DNAH14: variants seen among roughly 807,000 people sequenced by gnomAD.
DNAH14 encodes axonemal beta dynein heavy chain 14.
Under a neutral mutation model 520.9 loss-of-function variants are expected in DNAH14, and 478 were observed. The observed-to-expected ratio is 0.92, with a 90% CI of 0.85 to 0.99. The LOEUF (loss-of-function observed/expected upper bound fraction) is 0.99, where lower values mean the gene tolerates loss of function less well. Ranked by LOEUF, DNAH14 falls within the 50% of genes least tolerant of loss-of-function variation. DNAH14 has a pLI of 0.00. For missense variants in DNAH14, 4,831 were observed against 5,234.5 expected, an observed-to-expected ratio of 0.92 and a Z score of 2.38; for synonymous variants, 1,581 against 1,757.2, an observed-to-expected ratio of 0.90 and a Z score of 2.51.
At position 224,976,170 on chromosome 1, in the gene DNAH14, T is replaced by C. The variant is rs1357437237; in HGVS notation, c.830+2017T>C. Among the ~76,000 whole-genome samples the C allele has an allele frequency of 2.6e-5, 4 of 152,034 alleles. No individual in the cohort carries two copies. The South Asian group carries it at 8.3e-4, about 32-fold the overall frequency. On this transcript the variant is annotated intron_variant, in intron 8 of 85. Coordinates refer to ENST00000682510, the MANE Select transcript of DNAH14 (RefSeq NM_001367479.1). ...ACTATGTGGTCAATTTTGGAATAGG[T>C]GTGGTGTGGTGCTGAAAAAAATGTA...
chr1:225,097,998 T>G (rs1047298070), intron 22 of DNAH14, among the ~76,000 whole-genome samples: 1 of 152,116 alleles, frequency 6.6e-6, no homozygotes, highest in Admixed American at 6.5e-5. Context: ...TGAGGCCATC[T>G]TGGGCAACAC....
At chr1:225,134,182 T>A (rs2078743019) in intron 27 of DNAH14, among the ~76,000 whole-genome samples, 1 of 152,190 alleles carries the variant, frequency 6.6e-6, no homozygotes, top group Non-Finnish European at 1.5e-5. Context: ...TAAAGATAAT[T>A]TGACCTCCTT....
At chr1:225,324,505 G>T (rs915704158) in intron 63 of DNAH14, among the ~76,000 whole-genome samples, 152 bp downstream of exon 63, 1 of 152,164 alleles carries the variant, frequency 6.6e-6, no homozygotes, top group Non-Finnish European at 1.5e-5. Flanking sequence ...AACTCACACA[G>T]ATGTCAAGTG....
At chr1:225,021,781 A>G (rs955878219) in intron 10 of DNAH14, among the ~76,000 whole-genome samples, 3 of 152,150 alleles carry the variant, frequency 2.0e-5, no homozygotes, top group African/African-American at 4.8e-5. Flanking sequence ...CAAAAAAAAA[A>G]CTATTCTAAA....
intron 54 of DNAH14, among the ~76,000 whole-genome samples, chr1:225,286,057 G>A (rs1208996052): frequency 6.6e-6 from 1 of 152,152 alleles, no homozygotes; most frequent in Non-Finnish European, 1.5e-5. Flanking sequence ...CAAGGAAAGA[G>A]AACTACTGCA....
At chr1:225,293,902 C>T (rs576926796) in intron 55 of DNAH14, among the ~76,000 whole-genome samples, 1 of 152,176 alleles carries the variant, frequency 6.6e-6, no homozygotes, top group Non-Finnish European at 1.5e-5. Context: ...AATTTGACTT[C>T]CTCCTTTTTA....
At chr1:225,162,704 ATTTCAGTGT>A (rs1231301659) in intron 35 of DNAH14, among the ~76,000 whole-genome samples, 1 of 152,058 alleles carries the variant, frequency 6.6e-6, no homozygotes, top group Non-Finnish European at 1.5e-5. Context: ...GTCTTCTTCA[ATTTCAGTGT>A]TTTATAGTTT....
chr1:225,246,974 C>A (rs2092320800), intron 43 of DNAH14, among the ~76,000 whole-genome samples: 1 of 152,114 alleles, frequency 6.6e-6, no homozygotes, highest in East Asian at 1.9e-4. Flanking sequence ...TTGGAATGAA[C>A]CCAAATGCCC....
chr1:224,930,931 T>C (rs2058657955), intron 1 of DNAH14, among the ~76,000 whole-genome samples: 1 of 152,196 alleles, frequency 6.6e-6, no homozygotes, highest in South Asian at 2.1e-4. Context: ...TATTTTAGTG[T>C]ACTCCTCTTT....
At chr1:225,063,774 A>G (rs570203339) in intron 17 of DNAH14, among the ~76,000 whole-genome samples, 1 of 152,180 alleles carries the variant, frequency 6.6e-6, no homozygotes, top group Non-Finnish European at 1.5e-5. Flanking sequence ...AGTATAAACC[A>G]ATAGATCTGA....
rs139962096 is a variant in DNAH14 at position 225,310,613 on chromosome 1, G to A, written c.9240+2203G>A. On this transcript the variant is annotated intron_variant, in intron 60 of 85. Coordinates refer to ENST00000682510, the MANE Select transcript of DNAH14 (RefSeq NM_001367479.1). Reference sequence around the variant, plus strand: ...TCTCTCCCCTAGACCCTCACCCCCCGACAGGCCCCAGTGTGTGATGTCTCC... The same window carrying A: ...TCTCTCCCCTAGACCCTCACCCCCCAACAGGCCCCAGTGTGTGATGTCTCC... Among the ~76,000 whole-genome samples the A allele has an allele frequency of 5.5e-3, 838 of 152,058 alleles. 6 individuals are homozygous for A. The highest frequency in any genetic ancestry group is 0.018 in the African/African-American group (740 of 41,486).
chr1:225,007,600 T>C (rs1216959308), intron 10 of DNAH14, 56 bp downstream of exon 10: 4 of 1,350,248 alleles, frequency 3.0e-6, no homozygotes, highest in African/African-American at 3.0e-5. Flanking sequence ...GCTGAAGCAA[T>C]TGATCCAAAT....
chr1:225,179,177 T>C (rs2083682274), intron 36 of DNAH14, among the ~76,000 whole-genome samples: 1 of 152,246 alleles, frequency 6.6e-6, no homozygotes, highest in East Asian at 1.9e-4. Flanking sequence ...GATCTGTTAA[T>C]ATTTGCTTTA....
chr1:225,202,901 T>C (rs1182007171), intron 38 of DNAH14, among the ~76,000 whole-genome samples: 2 of 152,232 alleles, frequency 1.3e-5, no homozygotes, highest in African/African-American at 4.8e-5. Context: ...TGCTCAGCTA[T>C]CTAAGTTGAC....
intron 36 of DNAH14, among the ~76,000 whole-genome samples, chr1:225,171,701 G>A (rs968570024): frequency 6.6e-6 from 1 of 152,192 alleles, no homozygotes; most frequent in Non-Finnish European, 1.5e-5. Context: ...ACAAGGAGGA[G>A]CTGGTACCAT....
intron 56 of DNAH14, among the ~76,000 whole-genome samples, chr1:225,302,109 TATATATA>T (rs1166961385): frequency 2.0e-5 from 3 of 148,208 alleles, no homozygotes; most frequent in Non-Finnish European, 4.5e-5. Flanking sequence ...ATATGTTTTA[TATATATA>T]ATATATATTA....
At chr1:225,265,734 G>A (rs1173718965) in intron 48 of DNAH14, among the ~76,000 whole-genome samples, 1 of 151,960 alleles carries the variant, frequency 6.6e-6, no homozygotes, top group Admixed American at 6.6e-5. Flanking sequence ...AGCTTTTAAG[G>A]GTTTGCTTCA....
chr1:225,283,684 A>G (rs1472832182), intron 54 of DNAH14, among the ~76,000 whole-genome samples: 1 of 152,140 alleles, frequency 6.6e-6, no homozygotes, highest in African/African-American at 2.4e-5. Context: ...AAACAACTTG[A>G]ACTAATTGAC....
chr1:225,000,328 A>T (rs73131704), intron 8 of DNAH14, among the ~76,000 whole-genome samples: 5,430 of 152,116 alleles, frequency 0.036, 305 homozygotes, highest in African/African-American at 0.12. Flanking sequence ...TTTAGTTTTC[A>T]GAAGTTTGAC....
Sources: gnomAD v4.1 joint callset for allele counts (sites outside exome capture counted in the v4.1 genomes callset) on GRCh38, gnomAD v4.1.1 for gene constraint, MANE v1.5 for transcripts, NCBI Gene and HGNC (gene_info 2026-07-23, HGNC 2026-07-21) for gene names.